The following CEP128 variants were observed in gnomAD, a reference collection of about 807,000 sequenced individuals.
CEP128 encodes centrosomal protein 128.
Under a neutral mutation model 156.7 loss-of-function variants are expected in CEP128, and 132 were observed. The ratio of observed to expected loss-of-function variants is 0.84; its 90% CI spans 0.73 to 0.97. The LOEUF is 0.97. Ranked by LOEUF, CEP128 falls within the 50% of genes least tolerant of loss-of-function variation. The probability of loss-of-function intolerance (pLI) is 0.00; values close to 1 mark genes in which losing one functional copy is unlikely to be tolerated. For missense variants in CEP128, 1,252 were observed against 1,281.9 expected (o/e 0.98, Z 0.36); for synonymous variants, 469 against 448.9 (o/e 1.04, Z -0.57).
chr14:80,776,285 G>C (rs1595381474), intron 16 of CEP128, among the ~76,000 whole-genome samples: 1 of 151,798 alleles, frequency 6.6e-6, no homozygotes, highest in East Asian at 1.9e-4. Context: ...ATTATCACCA[G>C]AACTACAACC....
chr14:80,607,305 T>C (rs953832865), intron 19 of CEP128, among the ~76,000 whole-genome samples: 11 of 151,948 alleles, frequency 7.2e-5, no homozygotes, highest in Non-Finnish European at 1.5e-4. Context: ...AATTAGTGGG[T>C]AACCAAAATA....
intron 13 of CEP128, among the ~76,000 whole-genome samples, chr14:80,827,074 T>C (rs1189731932): frequency 6.6e-6 from 1 of 152,200 alleles, no homozygotes; most frequent in Admixed American, 6.5e-5. Flanking sequence ...ATTTTTACTG[T>C]TTTTCTCTAA....
upstream of CEP128, among the ~76,000 whole-genome samples, chr14:80,946,579 A>G (rs569401785): frequency 3.1e-4 from 47 of 152,266 alleles, no homozygotes; most frequent in Non-Finnish European, 5.3e-4. Flanking sequence ...GAACTAATCA[A>G]TAAAAAGGTT....
intron 2 of CEP128, among the ~76,000 whole-genome samples, chr14:80,952,997 T>A (rs954516627): frequency 1.3e-5 from 2 of 152,196 alleles, no homozygotes; most frequent in African/African-American, 4.8e-5. Context: ...GAAACTGGAT[T>A]TATAGTTAAA....
rs374516910 is a variant in CEP128 at position 80,701,570 on chromosome 14, GGGCATCAA to G, written c.2806+41497_2806+41504del. Reference sequence around the variant, plus strand: ...AAGATGCATAAGCTGTCCTCTTCCTGGGCATCAAGGAGGTTATTTAAGAAACTAAGCTT... The same window carrying G: ...AAGATGCATAAGCTGTCCTCTTCCTGGGAGGTTATTTAAGAAACTAAGCTT... On this transcript the variant is annotated intron_variant, in intron 19 of 24. Transcript: ENST00000555265. Among the ~76,000 whole-genome samples the G allele has an allele frequency of 3.9e-3, 601 of 152,170 alleles. 5 individuals are homozygous for G. The highest frequency in any genetic ancestry group is 0.014 in the African/African-American group (578 of 41,538).
chr14:80,878,951 A>C (rs548476267), intron 8 of CEP128, among the ~76,000 whole-genome samples: 2 of 152,312 alleles, frequency 1.3e-5, no homozygotes, highest in South Asian at 4.1e-4. Context: ...CCTCTCAGCT[A>C]AGAATCCCCA....
Position 80,784,915 on chromosome 14 carries a change from T to C in CEP128, c.2191A>G (p.Asn731Asp), listed in dbSNP as rs1305641630. The change falls in exon 15 of 25, where the codon AAT becomes GAT. Residue 731 changes from asparagine to aspartate, a missense_variant. Physicochemically the swap from Asn to Asp is conservative, Grantham distance 23. Coordinates refer to ENST00000555265, the MANE Select transcript of CEP128 (RefSeq NM_152446.5). Reference protein sequence around the residue: ...HFKKEKSEAENHIRTLKAESL... With the variant: ...HFKKEKSEAEDHIRTLKAESL... ...GGTACCTTCAGAGTCCTGATATGAT[T>C]CTCAGCCTCACTCTTTTCTTTCTTA... The C allele has an allele frequency of 6.2e-7, 1 of 1,611,990 alleles. No homozygotes were observed. The highest frequency in any genetic ancestry group is 8.5e-7 in the Non-Finnish European group (1 of 1,179,056).
intron 21 of CEP128, among the ~76,000 whole-genome samples, chr14:80,558,061 G>A (rs1890510942): frequency 1.3e-5 from 2 of 152,010 alleles, no homozygotes; most frequent in South Asian, 4.1e-4. Flanking sequence ...AAAACAGAAA[G>A]AAATAAAATT....
chr14:80,840,028 G>C (rs1049891007), intron 10 of CEP128, among the ~76,000 whole-genome samples: 3 of 152,134 alleles, frequency 2.0e-5, no homozygotes, highest in African/African-American at 7.2e-5. Flanking sequence ...GCCTTTACAT[G>C]AGTTGGTGAA....
intron 21 of CEP128, among the ~76,000 whole-genome samples, chr14:80,549,882 A>G: frequency 6.6e-6 from 1 of 152,206 alleles, no homozygotes; most frequent in Non-Finnish European, 1.5e-5. Flanking sequence ...TAAAAACCCC[A>G]ACAGCAATTG....
intron 13 of CEP128, among the ~76,000 whole-genome samples, chr14:80,819,414 T>C (rs1302551904): frequency 6.6e-6 from 1 of 151,918 alleles, no homozygotes; most frequent in African/African-American, 2.4e-5. Flanking sequence ...GCCCGGCTAA[T>C]TTTTTGTAAT....
intron 23 of CEP128, among the ~76,000 whole-genome samples, chr14:80,510,374 G>A (rs1035242674): frequency 1.8e-4 from 28 of 151,926 alleles, no homozygotes; most frequent in Middle Eastern, 3.4e-3. Context: ...TCTTCTTTGC[G>A]GGTATTGTAA....
intron 2 of CEP128, among the ~76,000 whole-genome samples, chr14:80,919,106 A>G (rs972500617): frequency 6.6e-6 from 1 of 152,218 alleles, no homozygotes; most frequent in African/African-American, 2.4e-5. Flanking sequence ...ATTGAAAAAG[A>G]CAATGTGCTT....
At chr14:80,602,643 T>G (rs1364699212) in intron 19 of CEP128, among the ~76,000 whole-genome samples, 3 of 152,068 alleles carry the variant, frequency 2.0e-5, no homozygotes, top group African/African-American at 7.2e-5. Flanking sequence ...CATGGTGGCA[T>G]GCACCTGTAG....
intron 19 of CEP128, among the ~76,000 whole-genome samples, chr14:80,614,301 T>C (rs1476124882): frequency 6.6e-6 from 1 of 152,194 alleles, no homozygotes; most frequent in African/African-American, 2.4e-5. Context: ...GTGGACACTC[T>C]TCTATTTGTG....
intron 19 of CEP128, among the ~76,000 whole-genome samples, chr14:80,599,585 C>CT (rs139511348): frequency 8.6e-5 from 13 of 151,726 alleles, no homozygotes; most frequent in African/African-American, 2.9e-4. Context: ...GAGTCATATT[C>CT]TTTTTTCTAG....
intron 14 of CEP128, among the ~76,000 whole-genome samples, chr14:80,483,167 A>G (rs1414699939): frequency 6.6e-6 from 1 of 152,220 alleles, no homozygotes; most frequent in African/African-American, 2.4e-5. Context: ...TGCAAAGCCA[A>G]CTTAGAATTT....
chr14:80,729,061 GTGTGTGTGT>G (rs1898148150), intron 19 of CEP128, among the ~76,000 whole-genome samples: 6 of 26,236 alleles, frequency 2.3e-4, no homozygotes, highest in Non-Finnish European at 3.6e-4. Flanking sequence ...TGGTGGGGGT[GTGTGTGTGT>G]GTGTGTGTGT....
Position 80,568,142 on chromosome 14 carries a change from G to A in CEP128, c.2857-8840C>T, listed in dbSNP as rs148142360. Among the ~76,000 whole-genome samples, 13 of 152,194 alleles carry A rather than the reference G, an allele frequency of 8.5e-5. No individual in the cohort carries two copies. In the East Asian group the frequency reaches 2.5e-3, roughly 29 times the overall value. On this transcript the variant is annotated intron_variant, in intron 20 of 24. Transcript: ENST00000555265. ...TACACAAAGGGTTGTGTATCTGACT[G>A]CCACTGAATATAGTTGGTCTAATGA...
Sources: gnomAD v4.1 joint callset for allele counts (sites outside exome capture counted in the v4.1 genomes callset) on GRCh38, gnomAD v4.1.1 for gene constraint, MANE v1.5 for transcripts, NCBI Gene and HGNC (gene_info 2026-07-23, HGNC 2026-07-21) for gene names.